Variants in CPNE8 observed in about 807,000 individuals in gnomAD.
The protein encoded by CPNE8 is copine 8, also known as copine-8.
A neutral mutation model predicts 81.5 loss-of-function variants in CPNE8; 45 were observed. The observed-to-expected ratio is 0.55, with a 90% CI of 0.44 to 0.71. The LOEUF (loss-of-function observed/expected upper bound fraction) is 0.71. CPNE8 is among the 30% of genes least tolerant of loss of function. The pLI, the probability that CPNE8 is intolerant of heterozygous loss-of-function variation, is 0.00. For missense variants in CPNE8, 594 were observed against 672.1 expected, an observed-to-expected ratio of 0.88 and a Z score of 1.28; for synonymous variants, 252 against 226.3, an observed-to-expected ratio of 1.11 and a Z score of -1.02.
chr12:38,853,258 T>TGTGCAGTGC (rs1943676111), intron 3 of CPNE8, among the ~76,000 whole-genome samples: 1 of 152,192 alleles, frequency 6.6e-6, no homozygotes, highest in African/African-American at 2.4e-5. Flanking sequence ...CATATCATTC[T>TGTGCAGTGC]ATACCTATCA....
upstream of CPNE8, chr12:38,905,833 C>G: frequency 2.0e-6 from 2 of 985,338 alleles, no homozygotes; most frequent in Non-Finnish European, 2.4e-6. Flanking sequence ...CTCCGTGATC[C>G]CCTCCTGGCT....
At chr12:38,775,622 A>G (rs557039113) in intron 7 of CPNE8, among the ~76,000 whole-genome samples, 1 of 152,286 alleles carries the variant, frequency 6.6e-6, no homozygotes, top group East Asian at 1.9e-4. Flanking sequence ...CCATTTCTTG[A>G]CAACAGTGAA....
chr12:38,755,590 C>CA lies in CPNE8; in HGVS notation c.722+5256dup, dbSNP rs538976091. On this transcript the variant is annotated intron_variant, in intron 10 of 19. Coordinates refer to ENST00000331366, the MANE Select transcript of CPNE8 (RefSeq NM_153634.3). ...TTTAAATATTCATCCCCACCCATCT[C>CA]AAAAAAAGAAAAAAAAAGAAATAGT... Among the ~76,000 whole-genome samples, 61 of 150,528 alleles carry CA rather than the reference C, an allele frequency of 4.1e-4. No individual in the cohort carries two copies. The South Asian group carries it at 0.012, about 30-fold the overall frequency.
chr12:38,703,082 T>C (rs1232974170), intron 13 of CPNE8, among the ~76,000 whole-genome samples, 161 bp from the exon 14 acceptor site: 1 of 152,180 alleles, frequency 6.6e-6, no homozygotes, highest in Non-Finnish European at 1.5e-5. Context: ...TAGGCAGTTT[T>C]ACATGGTAAG....
intron 5 of CPNE8, among the ~76,000 whole-genome samples, chr12:38,830,864 G>A (rs182485985): frequency 6.6e-6 from 1 of 151,998 alleles, no homozygotes; most frequent in Non-Finnish European, 1.5e-5. Flanking sequence ...TAAACCCAAG[G>A]CTTACTACTC....
intron 16 of CPNE8, among the ~76,000 whole-genome samples, chr12:38,682,505 C>T (rs1939433043): frequency 6.6e-6 from 1 of 152,134 alleles, no homozygotes; most frequent in Non-Finnish European, 1.5e-5. Context: ...TTGCAGTGAG[C>T]CGAGATCATC....
At chr12:38,752,201 G>T (rs1941365004) in intron 10 of CPNE8, among the ~76,000 whole-genome samples, 1 of 152,168 alleles carries the variant, frequency 6.6e-6, no homozygotes. Flanking sequence ...AGATGCAAGA[G>T]TTGGCAACTG....
At chr12:38,781,552 G>A (rs1395481134) in intron 6 of CPNE8, among the ~76,000 whole-genome samples, 3 of 151,996 alleles carry the variant, frequency 2.0e-5, no homozygotes, top group African/African-American at 7.2e-5. Flanking sequence ...TAGTTATTGT[G>A]TAATGACAAA....
intron 5 of CPNE8, among the ~76,000 whole-genome samples, chr12:38,834,128 C>T (rs891245218): frequency 6.6e-6 from 1 of 152,128 alleles, no homozygotes; most frequent in Non-Finnish European, 1.5e-5. Context: ...GCGACATGTC[C>T]TAGCTGGCTT....
chr12:38,817,120 T>C lies in CPNE8; in HGVS notation c.407+12259A>G, dbSNP rs186370437. On this transcript the variant is annotated intron_variant, in intron 6 of 19. Coordinates refer to ENST00000331366, the MANE Select transcript of CPNE8 (RefSeq NM_153634.3). ...AATTAAACAGGAACTTTTGAAAGGA[T>C]AGAAAGCCCTAGAAAACTCTGTAGA... 1.2e-4 allele frequency among the ~76,000 whole-genome samples: 19 copies of C among 152,308 alleles called. No homozygotes were observed. The East Asian group carries it at 3.5e-3, about 28-fold the overall frequency.
rs1438081945 is a variant in CPNE8, at chr12:38,652,723, T to G, written c.*1159A>C. 1 of 152,652 alleles carries G rather than the reference T, an allele frequency of 6.6e-6. No individual in the cohort carries two copies. The highest frequency in any genetic ancestry group is 1.5e-5 in the Non-Finnish European group (1 of 68,036). The allele number at this position is 152,652 out of a possible 1,614,324, so 9.5% of individuals were successfully genotyped here. On this transcript the variant is annotated 3_prime_UTR_variant, in exon 20 of 20. Transcript: ENST00000331366. ...AGAAATGCTTTAATTTAGACACAACTTCACAAAACTGTAATTCTTGTAAAA... is the reference window on the plus strand; with the variant it reads ...AGAAATGCTTTAATTTAGACACAACGTCACAAAACTGTAATTCTTGTAAAA...
At chr12:38,876,651 T>C (rs1048265924) in intron 1 of CPNE8, among the ~76,000 whole-genome samples, 3 of 152,256 alleles carry the variant, frequency 2.0e-5, no homozygotes, top group Non-Finnish European at 2.9e-5. Flanking sequence ...TAAAAATCTA[T>C]AAATCTTCAT....
chr12:38,702,600 A>ATCC (rs1318713147), intron 14 of CPNE8, among the ~76,000 whole-genome samples: 32 of 152,264 alleles, frequency 2.1e-4, no homozygotes, highest in African/African-American at 7.7e-4. Context: ...TACATCTAAA[A>ATCC]TTTGTATTAT....
intron 19 of CPNE8, among the ~76,000 whole-genome samples, chr12:38,656,085 GA>G (rs1938809472): frequency 1.5e-5 from 2 of 137,930 alleles, no homozygotes; most frequent in African/African-American, 2.7e-5. Context: ...ATTTTTAACA[GA>G]AAAAAATCAA....
intron 16 of CPNE8, among the ~76,000 whole-genome samples, chr12:38,678,266 A>T (rs971848273): frequency 6.6e-6 from 1 of 152,036 alleles, no homozygotes; most frequent in East Asian, 1.9e-4. Context: ...TTCAAAGCAC[A>T]AAATTATGTA....
At chr12:38,738,123 T>C (rs1940997389) in intron 10 of CPNE8, among the ~76,000 whole-genome samples, 1 of 152,138 alleles carries the variant, frequency 6.6e-6, no homozygotes, top group African/African-American at 2.4e-5. Context: ...GTCTACATAC[T>C]GTTCATTATC....
chr12:38,796,472 T>TA (rs1942476357), intron 6 of CPNE8, among the ~76,000 whole-genome samples: 1 of 151,982 alleles, frequency 6.6e-6, no homozygotes, highest in Admixed American at 6.5e-5. Context: ...GCATAGTATA[T>TA]AAAAAATAGA....
At position 38,765,294 on chromosome 12, in the gene CPNE8, T is replaced by G. The variant is rs115235641; in HGVS notation, c.575+2341A>C. Among the ~76,000 whole-genome samples the G allele has an allele frequency of 5.6e-3, 856 of 152,294 alleles. 5 individuals are homozygous for G. Among genetic ancestry groups the G allele is most frequent in the African/African-American group, 0.019 (803 of 41,554 alleles). On this transcript the variant is annotated intron_variant, in intron 8 of 19. Transcript: ENST00000331366. ...TATAATGTGTGTGTTACAAATAGTA[T>G]TATAAAAATATATTTTTATTGAATA...
chr12:38,760,846 C>G lies in CPNE8; in HGVS notation c.722+1G>C. 6.3e-7 allele frequency: 1 copy of G among 1,591,498 alleles called. No individual in the cohort carries two copies. On this transcript the variant is annotated splice_donor_variant, in intron 10 of 19. Coordinates refer to ENST00000331366, the MANE Select transcript of CPNE8 (RefSeq NM_153634.3). LOFTEE classifies it high-confidence loss of function. ...GAGTAAGAAGATAAGAACTGTCTTA[C>G]CTTCCATCTCGGTCCCAGTCATACA...
Sources: gnomAD v4.1 joint callset for allele counts (sites outside exome capture counted in the v4.1 genomes callset) on GRCh38, gnomAD v4.1.1 for gene constraint, MANE v1.5 for transcripts, NCBI Gene and HGNC (gene_info 2026-07-23, HGNC 2026-07-21) for gene names.